Variants in SH3RF2 observed in about 807,000 individuals in gnomAD.
SH3RF2 encodes SH3 domain containing ring finger 2.
In SH3RF2, 43 loss-of-function variants were observed where a neutral mutation model predicts 59.0. The observed-to-expected ratio is 0.73, with a 90% CI of 0.57 to 0.94. The LOEUF (loss-of-function observed/expected upper bound fraction) is 0.94. Ranked by LOEUF, SH3RF2 falls within the 40% of genes least tolerant of loss-of-function variation. The pLI is 0.00. For synonymous variants in SH3RF2, 391 were observed against 391.5 expected (o/e 1.00, Z 0.01); for missense variants, 930 against 940.1 (o/e 0.99, Z 0.14).
At chr5:146,075,368 A>C (rs1202555620) in intron 9 of SH3RF2, among the ~76,000 whole-genome samples, 1 of 152,234 alleles carries the variant, frequency 6.6e-6, no homozygotes, top group East Asian at 1.9e-4. Flanking sequence ...AAATACTATT[A>C]CTACCCCCAT....
Position 146,062,610 on chromosome 5 carries a change from A to C in SH3RF2, c.2099A>C (p.Gln700Pro). Residue 700 changes from glutamine (Q) to proline (P), a missense_variant, in exon 10 of 10, where the codon CAG (glutamine) becomes CCG (proline). Coordinates refer to ENST00000359120, the MANE Select transcript of SH3RF2 (RefSeq NM_152550.4). The stretch of plus-strand genomic sequence containing the variant: ...CGAAGTGGCTGCCACTCCGGACAGC[A>C]GACAGACCTCCGGAGAAAGTCAGCT... ...AHRSGCHSGQ[Q>P]TDLRRKSALG... The C allele has an allele frequency of 6.2e-7, 1 of 1,614,180 alleles. No homozygotes were observed. Among genetic ancestry groups the C allele is most frequent in the Non-Finnish European group, 8.5e-7 (1 of 1,180,000 alleles).
chr5:146,019,734 A>G (rs1441610436), intron 5 of SH3RF2, among the ~76,000 whole-genome samples: 1 of 152,202 alleles, frequency 6.6e-6, no homozygotes, highest in African/African-American at 2.4e-5. Context: ...ATCTATGAAC[A>G]TGGGACGTAT....
At chr5:145,985,709 T>A (rs1158381) in intron 2 of SH3RF2, among the ~76,000 whole-genome samples, 34,675 of 152,170 alleles carry the variant, frequency 0.23, 6,045 homozygotes, top group African/African-American at 0.48. Context: ...GAGCTTTCAT[T>A]ATTCACCTTT....
rs577489150 is a variant in SH3RF2 at position 146,005,333 on chromosome 5, T to C, written c.744+1180T>C. 3.4e-3 allele frequency among the ~76,000 whole-genome samples: 512 copies of C among 152,320 alleles called. 3 individuals carry two copies. Among genetic ancestry groups the C allele is most frequent in the African/African-American group, 0.012 (492 of 41,570 alleles). ...AGCTGCATTTACTGGGTGCTTAACA[T>C]GCATAAAGCATTAAAAATGAGTAGT... On this transcript the variant is annotated intron_variant, in intron 4 of 9. Transcript: ENST00000359120.
rs761951921 is a variant in SH3RF2, at chr5:145,937,830, T to C, written c.-99T>C. 19 of 1,448,244 alleles carry C rather than the reference T, an allele frequency of 1.3e-5. No individual in the cohort carries two copies. Among genetic ancestry groups the C allele is most frequent in the Non-Finnish European group, 1.5e-5 (16 of 1,083,170 alleles). 89.7% of individuals were successfully genotyped at this position (1,448,244 alleles called of 1,614,324 possible). A position where few individuals can be genotyped will look rare whatever the true frequency, so the allele number is the denominator to read the frequency against. On this transcript the variant is annotated 5_prime_UTR_variant, in exon 2 of 10. Coordinates refer to ENST00000359120, the MANE Select transcript of SH3RF2 (RefSeq NM_152550.4). ...TCTCCCTCCTTCAAGCAGGCAAAAA[T>C]TCTGACGTTCTCAAGAGACCAGCTC...
Position 146,025,417 on chromosome 5 carries a change from A to G in SH3RF2, c.1059+11356A>G, listed in dbSNP as rs564641694. Among the ~76,000 whole-genome samples, 3 of 152,322 alleles carry G rather than the reference A, an allele frequency of 2.0e-5. No homozygotes were observed. The South Asian group carries it at 6.2e-4, about 32-fold the overall frequency. Reference sequence around the variant, plus strand: ...CCCAGTCCAGGCCTCCTTGGCCCACATGTTCCCTCCCTTGCCTTCCTGAGG... The same window carrying G: ...CCCAGTCCAGGCCTCCTTGGCCCACGTGTTCCCTCCCTTGCCTTCCTGAGG... On this transcript the variant is annotated intron_variant, in intron 5 of 9. Transcript: ENST00000359120.
At chr5:145,976,524 C>T (rs73312158) in intron 2 of SH3RF2, among the ~76,000 whole-genome samples, 12,907 of 151,766 alleles carry the variant, frequency 0.085, 1,870 homozygotes, top group African/African-American at 0.29. Flanking sequence ...GAAACCACCA[C>T]GTAGTTTCAC....
At chr5:146,023,076 T>A (rs1761390180) in intron 5 of SH3RF2, among the ~76,000 whole-genome samples, 2 of 152,182 alleles carry the variant, frequency 1.3e-5, no homozygotes, top group South Asian at 4.2e-4. Flanking sequence ...TATCCCTCCT[T>A]CTCCCTTAAC....
chr5:146,068,048 T>C (rs2962535), downstream of SH3RF2, among the ~76,000 whole-genome samples: 145,064 of 152,320 alleles, frequency 0.95, 69,546 homozygotes, highest in East Asian at 1. Flanking sequence ...CTGTCCAGCC[T>C]TTGACAATCA....
chr5:145,985,135 A>G (rs773781809), intron 2 of SH3RF2, among the ~76,000 whole-genome samples: 1 of 151,998 alleles, frequency 6.6e-6, no homozygotes, highest in South Asian at 2.1e-4. Flanking sequence ...CAGCCTGGAC[A>G]ACAGAGCAAG....
chr5:145,960,445 A>T (rs1045932326), intron 2 of SH3RF2, among the ~76,000 whole-genome samples: 24 of 152,258 alleles, frequency 1.6e-4, no homozygotes, highest in Admixed American at 1.4e-3. Context: ...AATATCATGT[A>T]GTTCAATGCC....
chr5:145,993,606 G>A (rs192487885), intron 2 of SH3RF2, among the ~76,000 whole-genome samples: 1 of 152,350 alleles, frequency 6.6e-6, no homozygotes, highest in East Asian at 1.9e-4. Context: ...CTTGAGGCTT[G>A]CACCCTTTGA....
At chr5:145,959,615 ATGTGTGTGTGTGTGTG>A (rs35295719) in intron 2 of SH3RF2, among the ~76,000 whole-genome samples, 6 of 145,408 alleles carry the variant, frequency 4.1e-5, no homozygotes, top group African/African-American at 1.3e-4. Flanking sequence ...CTATATATAT[ATGTGTGTGTGTGTGTG>A]TGTGTGTGTG....
intron 2 of SH3RF2, among the ~76,000 whole-genome samples, chr5:145,993,749 A>C (rs947042649): frequency 3.3e-5 from 5 of 152,262 alleles, no homozygotes; most frequent in Non-Finnish European, 5.9e-5. Context: ...TTTTCCTCCT[A>C]GGCCTCCAGG....
intron 5 of SH3RF2, among the ~76,000 whole-genome samples, chr5:146,032,053 T>C (rs1353111424): frequency 6.6e-6 from 1 of 152,200 alleles, no homozygotes; most frequent in Non-Finnish European, 1.5e-5. Flanking sequence ...TTATCCAAAG[T>C]AGGTCTCCCA....
At chr5:145,966,681 G>T (rs1758868178) in intron 2 of SH3RF2, among the ~76,000 whole-genome samples, 1 of 152,064 alleles carries the variant, frequency 6.6e-6, no homozygotes, top group Admixed American at 6.6e-5. Flanking sequence ...TTTGTGGGTG[G>T]AAAGAAAGAG....
intron 2 of SH3RF2, among the ~76,000 whole-genome samples, chr5:145,944,666 G>A (rs1757944734): frequency 6.6e-6 from 1 of 152,134 alleles, no homozygotes; most frequent in African/African-American, 2.4e-5. Flanking sequence ...AGGACTTTTT[G>A]CACGTTTTAC....
At chr5:145,990,821 C>T (rs1759905299) in intron 2 of SH3RF2, among the ~76,000 whole-genome samples, 1 of 152,112 alleles carries the variant, frequency 6.6e-6, no homozygotes, top group African/African-American at 2.4e-5. Context: ...AACTTTATTC[C>T]TGTGCCTTCT....
intron 5 of SH3RF2, among the ~76,000 whole-genome samples, chr5:146,020,417 A>T (rs1291975809): frequency 6.6e-6 from 1 of 152,164 alleles, no homozygotes; most frequent in Non-Finnish European, 1.5e-5. Context: ...CTGGGCAATG[A>T]ACAAATGTTT....
Sources: allele counts gnomAD v4.1 joint callset (sites outside exome capture counted in the v4.1 genomes callset), GRCh38; gene constraint gnomAD v4.1.1; transcripts MANE v1.5; gene names NCBI Gene and HGNC (gene_info 2026-07-23, HGNC 2026-07-21).